PAPLN: variants seen among roughly 807,000 people sequenced by gnomAD.
PAPLN encodes papilin.
A neutral mutation model predicts 159.0 loss-of-function variants in PAPLN; 146 were observed. The observed-to-expected ratio is 0.92, with a 90% CI of 0.80 to 1.05. PAPLN has a LOEUF of 1.05. Among genes scored for constraint, PAPLN ranks in the 50% least tolerant of loss-of-function variants. The pLI is 0.00. For missense variants in PAPLN, 1,720 were observed against 1,743.9 expected, an observed-to-expected ratio of 0.99 and a Z score of 0.24; for synonymous variants, 734 against 702.9, an observed-to-expected ratio of 1.04 and a Z score of -0.70.
At chr14:73,261,403 C>T in intron 18 of PAPLN, 109 bp downstream of exon 18, 1 of 1,415,970 alleles carries the variant, frequency 7.1e-7, no homozygotes, top group Non-Finnish European at 9.4e-7. Flanking sequence ...GTTATTCATT[C>T]ATTCCTACCA....
Position 73,253,881 on chromosome 14 carries a change from G to C in PAPLN, c.1222G>C (p.Gly408Arg). The change falls in exon 12 of 27, where the codon GGG (glycine) becomes CGG (arginine). Residue 408 changes from glycine to arginine, a missense_variant. Transcript: ENST00000644200. ...QEAVEEAECAGLPGKPPAIQA... is the reference protein window; with the variant it reads ...QEAVEEAECARLPGKPPAIQA... ...GGCCGTGGAGGAGGCTGAGTGTGCC[G>C]GGCTGCCTGGGAAGCCCCCTGCCAT... 6.2e-6 allele frequency: 10 copies of C among 1,613,356 alleles called. No homozygotes were observed. Among genetic ancestry groups the C allele is most frequent in the Non-Finnish European group, 7.6e-6 (9 of 1,179,924 alleles).
intron 13 of PAPLN, 46 bp from the exon 14 acceptor site, chr14:73,254,831 C>T (rs1391741028): frequency 1.2e-6 from 2 of 1,603,952 alleles, no homozygotes; most frequent in Non-Finnish European, 1.7e-6. Context: ...TCCCCGCCCC[C>T]AGCCTCGCCC....
intron 2 of PAPLN, 101 bp from the exon 3 acceptor site, chr14:73,244,543 C>T: frequency 9.9e-7 from 1 of 1,007,424 alleles, no homozygotes; most frequent in South Asian, 1.4e-5. Context: ...TCCCAGACTC[C>T]TTGATGGGTA....
intron 14 of PAPLN, among the ~76,000 whole-genome samples, chr14:73,257,414 G>GA (rs1288424479): frequency 6.6e-6 from 1 of 151,108 alleles, no homozygotes; most frequent in East Asian, 1.9e-4. Context: ...TATTTCAGGG[G>GA]GGGTCCTACA....
At chr14:73,260,383 T>C (rs2140276885) in intron 16 of PAPLN, among the ~76,000 whole-genome samples, 1 of 152,314 alleles carries the variant, frequency 6.6e-6, no homozygotes, top group East Asian at 1.9e-4. Context: ...TAACCCCCGC[T>C]GTGAACTGAC....
chr14:73,263,888 AC>A lies in PAPLN; in HGVS notation c.2861+111del, dbSNP rs375155314. 698 of 911,924 alleles carry A rather than the reference AC, an allele frequency of 7.7e-4. 2 individuals carry two copies. Among genetic ancestry groups the A allele is most frequent in the Non-Finnish European group, 9.9e-4 (637 of 641,880 alleles). 56.5% of individuals were successfully genotyped at this position (911,924 alleles called of 1,614,324 possible). A position where few individuals can be genotyped will look rare whatever the true frequency, so the allele number is the denominator to read the frequency against. On this transcript the variant is annotated intron_variant, in intron 20 of 26. Coordinates refer to ENST00000644200, the MANE Select transcript of PAPLN (RefSeq NM_001365906.3). ...CCACCTCCTCTGATAGGTGTGACAG[AC>A]CCCCTCCTCCTTTGACAGGTGTGTG...
intron 2 of PAPLN, chr14:73,243,567 C>T (rs145152442): frequency 1.3e-5 from 2 of 152,332 alleles, no homozygotes; most frequent in Admixed American, 6.5e-5. Flanking sequence ...GCTACTGTGC[C>T]CACTTCTTCC....
In PAPLN at chr14:73,258,966, C is replaced by A; in HGVS notation, c.1628-13C>A. On this transcript the variant is annotated splice_polypyrimidine_tract_variant and intron_variant, in intron 14 of 26. Coordinates refer to ENST00000644200, the MANE Select transcript of PAPLN (RefSeq NM_001365906.3). ...CCCTCTCCGTCCCACATGGACCTCC[C>A]GGCTCCCTGCAGAGGTCCCCAGCAT... is the stretch of plus-strand genomic sequence containing the variant. The A allele has an allele frequency of 6.2e-7, 1 of 1,602,770 alleles. No homozygotes were observed.
In PAPLN at chr14:73,268,620, C is replaced by T. The variant is rs1302120043; in HGVS notation, c.3564C>T (p.Leu1188=). Residue 1188 remains leucine, a synonymous_variant, in exon 26 of 27, where the codon CTC becomes CTT. Transcript: ENST00000644200. ...RVHQSPDGTL[L]IYNLRARDEG... Reference sequence around the variant, plus strand: ...ACCAGTCCCCAGATGGCACGCTGCTCATTTACAACTTGCGGGCCAGGGATG... The same window carrying T: ...ACCAGTCCCCAGATGGCACGCTGCTTATTTACAACTTGCGGGCCAGGGATG... The T allele has an allele frequency of 6.2e-7, 1 of 1,613,948 alleles. No homozygotes were observed. The highest frequency in any genetic ancestry group is 8.5e-7 in the Non-Finnish European group (1 of 1,179,976).
intron 19 of PAPLN, 44 bp downstream of exon 19, chr14:73,262,871 C>G (rs1449778575): frequency 7.2e-7 from 1 of 1,396,208 alleles, no homozygotes; most frequent in Non-Finnish European, 9.4e-7. Context: ...GACGCCCAGA[C>G]AAGGAGCATG....
At chr14:73,260,294 C>G (rs2140276521) in intron 16 of PAPLN, among the ~76,000 whole-genome samples, 1 of 152,256 alleles carries the variant, frequency 6.6e-6, no homozygotes, top group Non-Finnish European at 1.5e-5. Context: ...CTCGTGGCAC[C>G]TGGTGGGTGG....
rs778704192 is a variant in PAPLN at position 73,268,670 on chromosome 14, A to AGGGGAG, written c.3614_3615insGGGGAG (p.Tyr1205delinsTer). 1 of 1,613,766 alleles carries AGGGGAG rather than the reference A, an allele frequency of 6.2e-7. No homozygotes were observed. The highest frequency in any genetic ancestry group is 1.7e-5 in the Admixed American group (1 of 60,004). ...GAGGGCTCCTACACGTGCAGTGCCT[A>AGGGGAG]CCAGGGGAGCCAGGCAGTCAGCCGC... On this transcript the variant is annotated stop_gained, in exon 26 of 27. Transcript: ENST00000644200. LOFTEE classifies it high-confidence loss of function.
At chr14:73,259,104 G>A (rs761281666) in intron 15 of PAPLN, 45 bp downstream of exon 15, 12 of 1,574,276 alleles carry the variant, frequency 7.6e-6, no homozygotes, top group Middle Eastern at 1.7e-4. Flanking sequence ...TGTAGTTTTT[G>A]TGTCTGAGTG....
intron 18 of PAPLN, 52 bp from the exon 19 acceptor site, chr14:73,262,298 C>A: frequency 6.6e-7 from 1 of 1,511,928 alleles, no homozygotes; most frequent in Non-Finnish European, 9.0e-7. Context: ...ATGGAGGGTG[C>A]AGCTTTAGTA....
At chr14:73,270,540 C>T (rs1887627993) in intron 26 of PAPLN, among the ~76,000 whole-genome samples, 1 of 152,242 alleles carries the variant, frequency 6.6e-6, no homozygotes, top group African/African-American at 2.4e-5. Flanking sequence ...AAGCACCACA[C>T]TCCAGGGACT....
Position 73,265,300 on chromosome 14 carries a change from A to T in PAPLN, c.3126-70A>T, listed in dbSNP as rs1887099278. 2.7e-5 allele frequency: 42 copies of T among 1,565,940 alleles called. 2 individuals are homozygous for T. The South Asian group carries it at 4.5e-4, about 17-fold the overall frequency. On this transcript the variant is annotated intron_variant, in intron 22 of 26. Transcript: ENST00000644200. The surrounding 1 kb of genome is among the most constrained non-coding windows in gnomAD (Gnocchi z 4.1). ...GGAGAAGGGGCCACCAGGCTTGTGC[A>T]GAGGTGCCCATGGGAGTAGGCGGGG...
rs770566003 is a variant in PAPLN at position 73,262,707 on chromosome 14, A to G, written c.2603A>G (p.Glu868Gly). 2.0e-6 allele frequency: 3 copies of G among 1,510,362 alleles called. No homozygotes were observed. 93.6% of individuals were successfully genotyped at this position (1,510,362 alleles called of 1,614,324 possible). ...CAAGACCAACAGCCTGGGCCAGGGGAGGCCCCCCACACCCAGGCCTTTGGA... is the reference window on the plus strand; with the variant it reads ...CAAGACCAACAGCCTGGGCCAGGGGGGGCCCCCCACACCCAGGCCTTTGGA... ...WRQDQQPGPG[E>G]APHTQAFGEW... Residue 868 changes from glutamate to glycine, a missense_variant, in exon 19 of 27, where the codon GAG (glutamate) becomes GGG (glycine). Glu to Gly is a moderately conservative substitution (Grantham distance 98, BLOSUM62 -2). Transcript: ENST00000644200.
At position 73,265,354 on chromosome 14, in the gene PAPLN, G is replaced by T; in HGVS notation, c.3126-16G>T. On this transcript the variant is annotated splice_polypyrimidine_tract_variant and intron_variant, in intron 22 of 26. Transcript: ENST00000644200. This position sits in a 1 kb window ranked among gnomAD's most constrained non-coding sequence, Gnocchi z 4.1. ...ACGGCAAGGGCCCCTCATGCTGTGG[G>T]CTGCTTGTTTGGCAGGCTGCGTTTG... The T allele has an allele frequency of 1.2e-6, 2 of 1,606,132 alleles. No individual in the cohort carries two copies.
chr14:73,253,043 A>T, intron 11 of PAPLN: 1 of 1,180,792 alleles, frequency 8.5e-7, no homozygotes, highest in South Asian at 1.3e-5. Context: ...AGAAGGTTCC[A>T]GAGGTCCCTG....
Sources: allele counts gnomAD v4.1 joint callset (sites outside exome capture counted in the v4.1 genomes callset), GRCh38; gene constraint gnomAD v4.1.1; non-coding constraint Gnocchi (gnomAD v3.1); transcripts MANE v1.5; gene names NCBI Gene and HGNC (gene_info 2026-07-23, HGNC 2026-07-21).